HERC2: variants seen among roughly 807,000 people sequenced by gnomAD.
HERC2 encodes E3 ubiquitin-protein ligase HERC2.
In HERC2, 102 loss-of-function variants were observed where a neutral mutation model predicts 537.7. The ratio of observed to expected loss-of-function variants is 0.19; its 90% CI spans 0.16 to 0.22. The LOEUF (loss-of-function observed/expected upper bound fraction) is 0.22. HERC2 is among the 10% of genes least tolerant of loss of function. The pLI is 1.00. For missense variants in HERC2, 4,236 were observed against 6,198.2 expected, an observed-to-expected ratio of 0.68 and a Z score of 10.63; for synonymous variants, 2,224 against 2,466.2, an observed-to-expected ratio of 0.90 and a Z score of 2.91.
At chr15:28,171,730 C>T (rs530777608) in intron 65 of HERC2, among the ~76,000 whole-genome samples, 1 of 151,866 alleles carries the variant, frequency 6.6e-6, no homozygotes, top group African/African-American at 2.4e-5. Context: ...TTTTAAAAGA[C>T]CATTTAATAA....
chr15:28,273,373 A>C (rs1261386025), intron 7 of HERC2, among the ~76,000 whole-genome samples: 1 of 152,262 alleles, frequency 6.6e-6, no homozygotes, highest in Non-Finnish European at 1.5e-5. Context: ...TATCTACAGA[A>C]TTAAAGAACC....
In HERC2 at chr15:28,266,017, T is replaced by A. The variant is rs1055986489; in HGVS notation, c.1599-43A>T. 3 of 1,597,814 alleles carry A rather than the reference T, an allele frequency of 1.9e-6. No individual in the cohort carries two copies. In the African/African-American group the frequency reaches 4.0e-5, roughly 21 times the overall value. The stretch of plus-strand genomic sequence containing the variant: ...CAAACATGAATGCCCTTCTTCTTGG[T>A]GTTATTTCTTATTAATGTTAACAAA... On this transcript the variant is annotated intron_variant, in intron 12 of 92. Transcript: ENST00000261609.
intron 79 of HERC2, among the ~76,000 whole-genome samples, chr15:28,134,766 A>C (rs556740889): frequency 4.5e-4 from 68 of 149,536 alleles, no homozygotes; most frequent in African/African-American, 1.7e-3. Context: ...GCAGTGGCGC[A>C]ATCTCGGCTC....
rs1371397444 is a variant in HERC2 at position 28,169,571 on chromosome 15, G to T, written c.10142C>A (p.Ala3381Asp). 6.2e-7 allele frequency: 1 copy of T among 1,613,318 alleles called. No individual in the cohort carries two copies. Among genetic ancestry groups the T allele is most frequent in the Non-Finnish European group, 8.5e-7 (1 of 1,179,304 alleles). Residue 3381 changes from alanine to aspartate, a missense_variant, in exon 66 of 93, where the codon GCC becomes GAC. Physicochemically the swap from Ala to Asp is moderately radical, Grantham distance 126 (BLOSUM62 -2). Around this residue, in one of 27 missense-constraint regions of HERC2, gnomAD observed 356 missense variants for 450.9 expected, o/e 0.79. Coordinates refer to ENST00000261609, the MANE Select transcript of HERC2 (RefSeq NM_004667.6). ...SNSKPNRPSL[A>D]KILLSLDGNL... ...TCCATCCAATGACAAGAGAATCTTG[G>T]CAAGAGAAGGGCGATTTGGCTTAGA...
intron 4 of HERC2, among the ~76,000 whole-genome samples, chr15:28,283,688 G>C (rs918673607): frequency 2.6e-5 from 4 of 152,172 alleles, no homozygotes; most frequent in Admixed American, 2.0e-4. Flanking sequence ...ACGTCTGAAG[G>C]TTCAACCAAA....
At chr15:28,311,829 G>A (rs576093087) in intron 2 of HERC2, among the ~76,000 whole-genome samples, 1,599 of 152,014 alleles carry the variant, frequency 0.011, 3 homozygotes, top group African/African-American at 0.037. Context: ...AGTGTTCTGC[G>A]GTACAGCCTA....
At position 28,132,112 on chromosome 15, in the gene HERC2, T is replaced by C; in HGVS notation, c.12558A>G (p.Lys4186=). The change falls in exon 81 of 93, where the codon AAA becomes AAG. Residue 4186 remains lysine (K), a synonymous_variant. Transcript: ENST00000261609. ...GAATGGGAAATACCTTCATAGGCAC[T>C]TTACAGCCATCGCTGCCTCCCCGGC... The part of the protein sequence containing the change: ...KLGRGGSDGC[K]VPMKIDSLTG... The C allele has an allele frequency of 6.2e-7, 1 of 1,609,548 alleles. No individual in the cohort carries two copies. The highest frequency in any genetic ancestry group is 1.1e-5 in the South Asian group (1 of 90,558).
At position 28,291,570 on chromosome 15, in the gene HERC2, T is replaced by C. The variant is rs1430740989; in HGVS notation, c.322+1318A>G. ...CTATACATTTTTATAAGAAATATTC[T>C]ATGTATATTTTTAATTGGAATGAAA... is the stretch of plus-strand genomic sequence containing the variant. On this transcript the variant is annotated intron_variant, in intron 4 of 92. Coordinates refer to ENST00000261609, the MANE Select transcript of HERC2 (RefSeq NM_004667.6). Among the ~76,000 whole-genome samples, 3 of 152,186 alleles carry C rather than the reference T, an allele frequency of 2.0e-5. 1 individual carries two copies. The East Asian group carries it at 5.8e-4, about 29-fold the overall frequency.
At chr15:28,178,277 G>C (rs985755235) in intron 59 of HERC2, among the ~76,000 whole-genome samples, 2 of 152,238 alleles carry the variant, frequency 1.3e-5, no homozygotes, top group African/African-American at 4.8e-5. Flanking sequence ...CTTCTGCCAG[G>C]CCTGGCCCTG....
At chr15:28,168,936 T>G (rs1414350237) in intron 66 of HERC2, among the ~76,000 whole-genome samples, 1 of 152,232 alleles carries the variant, frequency 6.6e-6, no homozygotes. Context: ...CAGGCAATTT[T>G]GTGTTTACTG....
chr15:28,187,322 G>GT lies in HERC2; in HGVS notation c.8650-571dup, dbSNP rs869260550. Among the ~76,000 whole-genome samples, 1,328 of 145,036 alleles carry GT rather than the reference G, an allele frequency of 9.2e-3. 12 individuals carry two copies. Among genetic ancestry groups the GT allele is most frequent in the African/African-American group, 0.027 (1,072 of 39,742 alleles). ...TATATCACTGAATTAAGGAGGTCTG[G>GT]TTTTTTTTTTTGTTTTTTTGTTTTT... On this transcript the variant is annotated intron_variant, in intron 55 of 92. Coordinates refer to ENST00000261609, the MANE Select transcript of HERC2 (RefSeq NM_004667.6).
intron 35 of HERC2, 40 bp downstream of exon 35, chr15:28,228,178 T>C: frequency 6.4e-7 from 1 of 1,565,738 alleles, no homozygotes. Flanking sequence ...AGCAAAATCT[T>C]GACATTTTCC....
chr15:28,287,576 A>C (rs1270514158), intron 4 of HERC2, among the ~76,000 whole-genome samples: 2 of 152,114 alleles, frequency 1.3e-5, no homozygotes, highest in African/African-American at 4.8e-5. Flanking sequence ...AATCACAACA[A>C]ATCTTTATCA....
At position 28,213,897 on chromosome 15, in the gene HERC2, C is replaced by T; in HGVS notation, c.6631G>A (p.Gly2211Arg). 1 of 1,614,108 alleles carries T rather than the reference C, an allele frequency of 6.2e-7. No individual in the cohort carries two copies. Among genetic ancestry groups the T allele is most frequent in the Non-Finnish European group, 8.5e-7 (1 of 1,180,014 alleles). ...GGLMAVLAVI[G>R]GIDGRLRLGG... Reference sequence around the variant, plus strand: ...AGGCGCAGGCGACCATCGATGCCTCCAATCACAGCCAGGACTGCCATGAGG... The same window carrying T: ...AGGCGCAGGCGACCATCGATGCCTCTAATCACAGCCAGGACTGCCATGAGG... The change falls in exon 42 of 93, where the codon GGA (glycine) becomes AGA (arginine). Residue 2211 changes from glycine to arginine, a missense_variant. By Grantham distance (125) the Gly-to-Arg change is moderately radical (BLOSUM62 -2). Coordinates refer to ENST00000261609, the MANE Select transcript of HERC2 (RefSeq NM_004667.6).
intron 74 of HERC2, 69 bp downstream of exon 74, chr15:28,143,804 A>C (rs1469162203): frequency 6.3e-7 from 1 of 1,592,200 alleles, no homozygotes. Flanking sequence ...TTAGAGGTTT[A>C]GACTACTAAA....
rs1187747626 is a variant in HERC2, at chr15:28,176,561, G to A, written c.9553C>T (p.Leu3185=). ...FSWGDGDFGK[L]GRGGSEGCNI... ...CAGCCTTCACTTCCGCCCCGGCCCA[G>A]TTTTCCAAAGTCACCATCACCCCAG... The change falls in exon 63 of 93, where the codon CTG becomes TTG. Residue 3185 remains leucine, a synonymous_variant. Coordinates refer to ENST00000261609, the MANE Select transcript of HERC2 (RefSeq NM_004667.6). The surrounding 1 kb of genome is among the most constrained non-coding windows in gnomAD (Gnocchi z 5.0). The A allele has an allele frequency of 1.2e-6, 2 of 1,614,130 alleles. No individual in the cohort carries two copies. Among genetic ancestry groups the A allele is most frequent in the Non-Finnish European group, 1.7e-6 (2 of 1,180,018 alleles).
intron 20 of HERC2, among the ~76,000 whole-genome samples, chr15:28,252,265 G>C (rs965182728): frequency 6.6e-6 from 1 of 152,038 alleles, no homozygotes; most frequent in African/African-American, 2.4e-5. Context: ...ATAGTTGCAG[G>C]TCAAACAGGC....
chr15:28,259,198 G>C (rs1252145921), intron 16 of HERC2, among the ~76,000 whole-genome samples: 1 of 152,122 alleles, frequency 6.6e-6, no homozygotes, highest in South Asian at 2.1e-4. Context: ...AGATTCAAGC[G>C]ATTCTCCTGC....
chr15:28,182,580 A>G (rs1895927147), intron 56 of HERC2, 68 bp from the exon 57 acceptor site: 2 of 1,232,424 alleles, frequency 1.6e-6, no homozygotes, highest in Non-Finnish European at 2.3e-6. Flanking sequence ...TTAAAAAATA[A>G]AAAGAAAAGC....
Sources: allele counts gnomAD v4.1 joint callset (sites outside exome capture counted in the v4.1 genomes callset), GRCh38; gene constraint gnomAD v4.1.1; regional missense constraint gnomAD v4.1.1; non-coding constraint Gnocchi (gnomAD v3.1); transcripts MANE v1.5; gene names NCBI Gene and HGNC (gene_info 2026-07-23, HGNC 2026-07-21).